Variants in ZBTB8A observed in about 807,000 individuals in gnomAD.
The protein encoded by ZBTB8A is zinc finger and BTB domain-containing protein 8A.
Under a neutral mutation model 37.8 loss-of-function variants are expected in ZBTB8A, and 19 were observed. That is an observed-to-expected ratio of 0.50 (90% CI 0.35 to 0.74). The LOEUF is 0.74. Among genes scored for constraint, ZBTB8A ranks in the 30% least tolerant of loss-of-function variants. ZBTB8A has a pLI of 0.01. For missense variants in ZBTB8A, 394 were observed against 537.8 expected, an observed-to-expected ratio of 0.73 and a Z score of 2.65; for synonymous variants, 181 against 185.2, an observed-to-expected ratio of 0.98 and a Z score of 0.19.
At chr1:32,582,008 G>C (rs938360331) in intron 2 of ZBTB8A, among the ~76,000 whole-genome samples, 2 of 151,994 alleles carry the variant, frequency 1.3e-5, no homozygotes, top group African/African-American at 4.8e-5. Context: ...GATTTTGGGT[G>C]GGGACACAGC....
At chr1:32,567,791 C>CAAA (rs1214976482) in intron 2 of ZBTB8A, among the ~76,000 whole-genome samples, 12 of 6,424 alleles carry the variant, frequency 1.9e-3, no homozygotes, top group Admixed American at 4.0e-3. Flanking sequence ...GATTCTGTCT[C>CAAA]AAAAAAAAAA....
intron 3 of ZBTB8A, among the ~76,000 whole-genome samples, chr1:32,594,732 C>T (rs12085504): frequency 6.6e-6 from 1 of 151,020 alleles, no homozygotes; most frequent in Non-Finnish European, 1.5e-5. Context: ...CGCCATTGCA[C>T]TCCAGCCTGG....
At chr1:32,575,746 G>A (rs529190418) in intron 2 of ZBTB8A, among the ~76,000 whole-genome samples, 50 of 151,822 alleles carry the variant, frequency 3.3e-4, no homozygotes, top group Admixed American at 8.5e-4. Flanking sequence ...CAGCTACTCG[G>A]GGGGCTGAGG....
Position 32,604,861 on chromosome 1 carries a change from G to A in ZBTB8A, c.*4442G>A, listed in dbSNP as rs1231799364. 2 of 152,004 alleles carry A rather than the reference G, an allele frequency of 1.3e-5. No homozygotes were observed. The highest frequency in any genetic ancestry group is 2.9e-5 in the Non-Finnish European group (2 of 67,998). 9.4% of individuals were successfully genotyped at this position (152,004 alleles called of 1,614,324 possible). A position where few individuals can be genotyped will look rare whatever the true frequency, so the allele number is the denominator to read the frequency against. ...CTAAAAGCAGTGTAGGATAAGGTGT[G>A]TTTAACTGGCCGGGCACGGTGGCTC... is the stretch of plus-strand genomic sequence containing the variant. On this transcript the variant is annotated 3_prime_UTR_variant, in exon 5 of 5. Coordinates refer to ENST00000373510, the MANE Select transcript of ZBTB8A (RefSeq NM_001040441.3).
At chr1:32,552,325 C>G (rs1186589504) in intron 1 of ZBTB8A, among the ~76,000 whole-genome samples, 2 of 152,058 alleles carry the variant, frequency 1.3e-5, no homozygotes, top group African/African-American at 4.8e-5. Context: ...GATTGTGCCA[C>G]TGCACTCTAG....
intron 4 of ZBTB8A, among the ~76,000 whole-genome samples, chr1:32,596,591 C>CAAA (rs575668089): frequency 6.7e-6 from 1 of 148,162 alleles, no homozygotes; most frequent in Non-Finnish European, 1.5e-5. Context: ...AAACAAAAAA[C>CAAA]AAACAAAAAA....
At chr1:32,598,210 T>C (rs1325646108) in intron 4 of ZBTB8A, among the ~76,000 whole-genome samples, 1 of 151,120 alleles carries the variant, frequency 6.6e-6, no homozygotes, top group African/African-American at 2.4e-5. Flanking sequence ...CCAGACTGTA[T>C]TAGCTTTCTT....
At chr1:32,559,063 T>C (rs1644224524) in intron 2 of ZBTB8A, among the ~76,000 whole-genome samples, 1 of 152,160 alleles carries the variant, frequency 6.6e-6, no homozygotes, top group South Asian at 2.1e-4. Context: ...CCCACTGTTA[T>C]TTATGCTGCT....
At chr1:32,580,429 A>G (rs1387769211) in intron 2 of ZBTB8A, among the ~76,000 whole-genome samples, 1 of 152,006 alleles carries the variant, frequency 6.6e-6, no homozygotes, top group Admixed American at 6.6e-5. Context: ...ACATGCCTAT[A>G]GTCCCAGCTA....
intron 1 of ZBTB8A, among the ~76,000 whole-genome samples, chr1:32,544,619 C>T (rs1342991569): frequency 6.6e-6 from 1 of 152,220 alleles, no homozygotes; most frequent in Non-Finnish European, 1.5e-5. Context: ...ACTGCTTTAA[C>T]CCAGGAGGCG....
At chr1:32,566,218 A>T (rs1644278170) in intron 2 of ZBTB8A, among the ~76,000 whole-genome samples, 9 of 150,984 alleles carry the variant, frequency 6.0e-5, no homozygotes, top group Admixed American at 6.0e-4. Flanking sequence ...AAAAAAAAAA[A>T]AGAATAATTC....
intron 2 of ZBTB8A, among the ~76,000 whole-genome samples, chr1:32,581,027 A>T: frequency 7.0e-6 from 1 of 143,354 alleles, no homozygotes. Flanking sequence ...TTACCTCTTA[A>T]TACTGTTACA....
chr1:32,545,210 T>TG (rs1039480116), intron 1 of ZBTB8A, among the ~76,000 whole-genome samples: 19 of 151,674 alleles, frequency 1.3e-4, no homozygotes, highest in African/African-American at 4.6e-4. Flanking sequence ...TGGAAAAACA[T>TG]GGAAAAAAAA....
intron 4 of ZBTB8A, among the ~76,000 whole-genome samples, chr1:32,596,441 C>T (rs1644532342): frequency 6.6e-6 from 1 of 151,334 alleles, no homozygotes; most frequent in African/African-American, 2.4e-5. Flanking sequence ...AATTAGCTGG[C>T]ATGGTAGCGC....
chr1:32,560,206 C>T (rs1644232848), intron 2 of ZBTB8A, among the ~76,000 whole-genome samples: 1 of 152,108 alleles, frequency 6.6e-6, no homozygotes, highest in East Asian at 1.9e-4. Flanking sequence ...AACTCTGCCC[C>T]AATGGTCCAA....
At position 32,600,131 on chromosome 1, in the gene ZBTB8A, T is replaced by C. The variant is rs554886076; in HGVS notation, c.1038T>C (p.His346=). ...CKLICRKCKR[H]VTDLTGQVVQ... is the part of the protein sequence containing the mutation. ...TCATCTGCAGAAAATGTAAACGTCA[T>C]GTGACAGATCTAACAGGGCAAGTGG... Residue 346 remains histidine (H), a synonymous_variant, in exon 5 of 5, where the codon CAT becomes CAC. Transcript: ENST00000373510. 69 of 1,614,126 alleles carry C rather than the reference T, an allele frequency of 4.3e-5. 1 individual carries two copies. The highest frequency in any genetic ancestry group is 2.6e-4 in the South Asian group (24 of 91,078).
In ZBTB8A at chr1:32,604,361, C is replaced by T. The variant is rs1644599534; in HGVS notation, c.*3942C>T. 6.6e-6 allele frequency: 1 copy of T among 152,112 alleles called. No individual in the cohort carries two copies. The highest frequency in any genetic ancestry group is 6.6e-5 in the Admixed American group (1 of 15,262). 9.4% of individuals were successfully genotyped at this position (152,112 alleles called of 1,614,324 possible). Reference sequence around the variant, plus strand: ...ATCAGAGCTGCTGTGGTTAAAGTCCCCCACAAACCTTTCCCCAGACACCTC... The same window carrying T: ...ATCAGAGCTGCTGTGGTTAAAGTCCTCCACAAACCTTTCCCCAGACACCTC... On this transcript the variant is annotated 3_prime_UTR_variant, in exon 5 of 5. Coordinates refer to ENST00000373510, the MANE Select transcript of ZBTB8A (RefSeq NM_001040441.3).
intron 2 of ZBTB8A, among the ~76,000 whole-genome samples, chr1:32,570,603 A>G (rs1351270192): frequency 6.6e-6 from 1 of 152,168 alleles, no homozygotes; most frequent in Non-Finnish European, 1.5e-5. Context: ...TGTGGTTTTG[A>G]ATACATAGAG....
intron 1 of ZBTB8A, among the ~76,000 whole-genome samples, chr1:32,546,975 C>G (rs539146224): frequency 3.3e-5 from 5 of 151,760 alleles, no homozygotes; most frequent in Non-Finnish European, 7.4e-5. Flanking sequence ...AATCACAGCT[C>G]ACTGCAGCCT....
Sources: gnomAD v4.1 joint callset for allele counts (sites outside exome capture counted in the v4.1 genomes callset) on GRCh38, gnomAD v4.1.1 for gene constraint, MANE v1.5 for transcripts, NCBI Gene and HGNC (gene_info 2026-07-23, HGNC 2026-07-21) for gene names.